RGS12: variants seen among roughly 807,000 people sequenced by gnomAD.
The protein encoded by RGS12 is regulator of G-protein signaling 12.
RGS12 carries 66 observed loss-of-function variants against 120.1 expected under a neutral mutation model. The ratio of observed to expected loss-of-function variants is 0.55; its 90% CI spans 0.45 to 0.67. RGS12 has a LOEUF of 0.67. Among genes scored for constraint, RGS12 ranks in the 30% least tolerant of loss-of-function variants. The pLI, the probability that RGS12 is intolerant of heterozygous loss-of-function variation, is 0.00. For synonymous variants in RGS12, 827 were observed against 804.7 expected, an observed-to-expected ratio of 1.03 and a Z score of -0.47; for missense variants, 1,859 against 1,957.7, an observed-to-expected ratio of 0.95 and a Z score of 0.95.
At chr4:3,318,775 C>T (rs1265300605) in intron 2 of RGS12, among the ~76,000 whole-genome samples, 1 of 151,888 alleles carries the variant, frequency 6.6e-6, no homozygotes, top group Non-Finnish European at 1.5e-5. Context: ...TGGGAGTGTG[C>T]GGGGCTGTGC....
At chr4:3,429,639 C>T (rs1724031028) in intron 16 of RGS12, among the ~76,000 whole-genome samples, 1 of 152,210 alleles carries the variant, frequency 6.6e-6, no homozygotes, top group Admixed American at 6.5e-5. Flanking sequence ...TTGGGGCCTG[C>T]TACACTAGAA....
chr4:3,398,611 AAGAC>A (rs990821915), intron 4 of RGS12, among the ~76,000 whole-genome samples: 8 of 152,200 alleles, frequency 5.3e-5, no homozygotes, highest in African/African-American at 1.9e-4. Flanking sequence ...AAGAACAAAA[AAGAC>A]AGTGTGCACC....
chr4:3,371,515 A>G (rs1321479874), intron 3 of RGS12, among the ~76,000 whole-genome samples: 4 of 152,200 alleles, frequency 2.6e-5, no homozygotes, highest in Non-Finnish European at 5.9e-5. Context: ...CTTTGTAAGT[A>G]TCTGTTTACA....
At chr4:3,300,456 G>A (rs1021028731) in intron 1 of RGS12, among the ~76,000 whole-genome samples, 4 of 152,220 alleles carry the variant, frequency 2.6e-5, no homozygotes, top group African/African-American at 9.6e-5. Flanking sequence ...GGCTGGGGAC[G>A]TTGGCCCTGG....
At chr4:3,364,224 G>A (rs906906937) in intron 3 of RGS12, among the ~76,000 whole-genome samples, 5 of 152,174 alleles carry the variant, frequency 3.3e-5, no homozygotes, top group Admixed American at 6.5e-5. Context: ...GTCACCATCC[G>A]ACACTAGCAC....
intron 17 of RGS12, among the ~76,000 whole-genome samples, chr4:3,436,780 AG>A (rs1371331193): frequency 6.6e-6 from 1 of 152,142 alleles, no homozygotes; most frequent in African/African-American, 2.4e-5. Flanking sequence ...GCATGTGGAA[AG>A]AGGGGCCTTC....
intron 2 of RGS12, among the ~76,000 whole-genome samples, chr4:3,323,222 C>T (rs749430806): frequency 3.3e-5 from 5 of 152,212 alleles, no homozygotes; most frequent in Admixed American, 6.5e-5. Context: ...GCGCCTCGCT[C>T]GTGTTGGTGC....
In RGS12 at chr4:3,422,530, A is replaced by T. The variant is rs1042315250; in HGVS notation, c.2993A>T (p.Asn998Ile). The T allele has an allele frequency of 6.2e-7, 1 of 1,612,668 alleles. No homozygotes were observed. Among genetic ancestry groups the T allele is most frequent in the African/African-American group, 1.3e-5 (1 of 74,934 alleles). Residue 998 changes from asparagine to isoleucine, a missense_variant, in exon 11 of 18, where the codon AAC (asparagine) becomes ATC (isoleucine). By Grantham distance (149) the Asn-to-Ile change is moderately radical. Coordinates refer to ENST00000336727, the MANE Select transcript of RGS12 (RefSeq NM_001394154.1). ...GGACTCTGTGAGCGGCATGGCATCA[A>T]CGGGGCGGCCGCGGACCTCTTCCTG... ...LSGLCERHGI[N>I]GAAADLFLVG...
intron 17 of RGS12, 27 bp downstream of exon 17, chr4:3,430,982 C>T: frequency 6.2e-7 from 1 of 1,608,364 alleles, no homozygotes; most frequent in Non-Finnish European, 8.5e-7. Flanking sequence ...ATCCCTCCAC[C>T]TTGGCCCCGT....
intron 4 of RGS12, among the ~76,000 whole-genome samples, chr4:3,395,942 G>A (rs964516230): frequency 2.6e-5 from 4 of 152,104 alleles, no homozygotes; most frequent in Non-Finnish European, 5.9e-5. Flanking sequence ...TGTAGCGTTT[G>A]CATATAACCT....
intron 2 of RGS12, among the ~76,000 whole-genome samples, chr4:3,338,311 C>T (rs1437537355): frequency 6.6e-6 from 1 of 152,256 alleles, no homozygotes; most frequent in Non-Finnish European, 1.5e-5. Flanking sequence ...CCACCCGCCT[C>T]GGCCTCCCAA....
intron 14 of RGS12, among the ~76,000 whole-genome samples, chr4:3,427,432 G>C (rs959569783): frequency 1.3e-5 from 2 of 152,236 alleles, no homozygotes; most frequent in African/African-American, 2.4e-5. Flanking sequence ...TGGGGCAAAG[G>C]CTGTATTTGA....
At position 3,430,957 on chromosome 4, in the gene RGS12, T is replaced by A. The variant is rs1275055655; in HGVS notation, c.4114+2T>A. 1 of 1,612,116 alleles carries A rather than the reference T, an allele frequency of 6.2e-7. No homozygotes were observed. The highest frequency in any genetic ancestry group is 1.7e-5 in the Admixed American group (1 of 59,988). The stretch of plus-strand genomic sequence containing the variant: ...AAGTGCCAGGACCTTCCAGACCAGG[T>A]ACCTCCAGGTTCTGATCCCTCCACC... On this transcript the variant is annotated splice_donor_variant, in intron 17 of 17. Transcript: ENST00000336727. LOFTEE classifies it high-confidence loss of function.
chr4:3,294,333 G>A (rs1036400246), intron 1 of RGS12, among the ~76,000 whole-genome samples: 22 of 152,236 alleles, frequency 1.4e-4, no homozygotes, highest in African/African-American at 5.3e-4. Flanking sequence ...GCAGAGAGGC[G>A]GCTTTGGGCA....
At chr4:3,296,650 T>G (rs1387308415) in intron 1 of RGS12, among the ~76,000 whole-genome samples, 2 of 152,240 alleles carry the variant, frequency 1.3e-5, no homozygotes, top group African/African-American at 4.8e-5. Flanking sequence ...TACAGCAGGC[T>G]CCTCACTTGT....
At chr4:3,297,506 C>T (rs1049233694) in intron 1 of RGS12, among the ~76,000 whole-genome samples, 1 of 152,182 alleles carries the variant, frequency 6.6e-6, no homozygotes, top group Non-Finnish European at 1.5e-5. Flanking sequence ...CCTCTATGTG[C>T]CATCATAATC....
In RGS12 at chr4:3,399,286, A is replaced by T. The variant is rs552228649; in HGVS notation, c.2020+12849A>T. On this transcript the variant is annotated intron_variant, in intron 4 of 17. Coordinates refer to ENST00000336727, the MANE Select transcript of RGS12 (RefSeq NM_001394154.1). Reference sequence around the variant, plus strand: ...ATAAATGCAGAAATTATCAAAATAGAAAAAACCAAACAGTATACAACTAAA... The same window carrying T: ...ATAAATGCAGAAATTATCAAAATAGTAAAAACCAAACAGTATACAACTAAA... Among the ~76,000 whole-genome samples, 3 of 152,338 alleles carry T rather than the reference A, an allele frequency of 2.0e-5. No homozygotes were observed. The South Asian group carries it at 6.2e-4, about 32-fold the overall frequency.
intron 3 of RGS12, among the ~76,000 whole-genome samples, chr4:3,377,780 C>A (rs1376243373): frequency 6.6e-6 from 1 of 152,128 alleles, no homozygotes; most frequent in East Asian, 1.9e-4. Flanking sequence ...AGCTGAGCTG[C>A]CGCGTTCAAG....
At chr4:3,356,031 G>T (rs1483142503) in intron 3 of RGS12, among the ~76,000 whole-genome samples, 3 of 150,274 alleles carry the variant, frequency 2.0e-5, no homozygotes, top group Non-Finnish European at 4.4e-5. Flanking sequence ...AATATAAAGG[G>T]CAGAGATTAT....
Sources: allele counts gnomAD v4.1 joint callset (sites outside exome capture counted in the v4.1 genomes callset), GRCh38; gene constraint gnomAD v4.1.1; transcripts MANE v1.5; gene names NCBI Gene and HGNC (gene_info 2026-07-23, HGNC 2026-07-21).